The following CNTNAP2 variants were observed in gnomAD, a reference collection of about 807,000 sequenced individuals.
CNTNAP2 encodes contactin associated protein 2.
CNTNAP2 carries 98 observed loss-of-function variants against 155.2 expected under a neutral mutation model. That is an observed-to-expected ratio of 0.63 (90% CI 0.54 to 0.75). The LOEUF (loss-of-function observed/expected upper bound fraction) is 0.75, where lower values mean the gene tolerates loss of function less well. Ranked by LOEUF, CNTNAP2 falls within the 30% of genes least tolerant of loss-of-function variation. The pLI is 0.00. For synonymous variants in CNTNAP2, 651 were observed against 631.2 expected (o/e 1.03, Z -0.47); for missense variants, 1,727 against 1,688.1 (o/e 1.02, Z -0.40).
In CNTNAP2 at chr7:147,515,472, G is replaced by A. The variant is rs192106091; in HGVS notation, c.1777+29431G>A. On this transcript the variant is annotated intron_variant, in intron 11 of 23. Coordinates refer to ENST00000361727, the MANE Select transcript of CNTNAP2 (RefSeq NM_014141.6). ...CAAGTAGCTGGGACTACAGGCTTGT[G>A]ATACCATGCCCAGCTAATTTTTGTA... 9.7e-4 allele frequency among the ~76,000 whole-genome samples: 147 copies of A among 151,942 alleles called. 1 individual carries two copies. Among genetic ancestry groups the A allele is most frequent in the African/African-American group, 3.4e-3 (142 of 41,466 alleles).
At chr7:147,299,665 T>C (rs1400156580) in intron 8 of CNTNAP2, among the ~76,000 whole-genome samples, 1 of 152,192 alleles carries the variant, frequency 6.6e-6, no homozygotes, top group Non-Finnish European at 1.5e-5. Flanking sequence ...AGACAGACTT[T>C]AGATAAAAGC....
intron 3 of CNTNAP2, among the ~76,000 whole-genome samples, chr7:146,942,682 T>C (rs534386418): frequency 6.6e-6 from 1 of 152,232 alleles, no homozygotes; most frequent in South Asian, 2.1e-4. Context: ...GTTCAACCTA[T>C]CATTAAGAAG....
intron 11 of CNTNAP2, among the ~76,000 whole-genome samples, chr7:147,497,998 G>A (rs1798740868): frequency 6.6e-6 from 1 of 152,130 alleles, no homozygotes; most frequent in South Asian, 2.1e-4. Context: ...AAGGATTCCT[G>A]CCTTCCCACA....
chr7:146,750,644 C>G (rs1416929153), intron 1 of CNTNAP2, among the ~76,000 whole-genome samples: 1 of 152,120 alleles, frequency 6.6e-6, no homozygotes, highest in African/African-American at 2.4e-5. Context: ...CTATAATATG[C>G]CACAGTCTTT....
At position 147,985,115 on chromosome 7, in the gene CNTNAP2, A is replaced by AAAAAT. The variant is rs1554458354; in HGVS notation, c.2383+7129_2383+7130insATAAA. Among the ~76,000 whole-genome samples the AAAAAT allele has an allele frequency of 1.7e-3, 246 of 145,588 alleles. 2 individuals are homozygous for AAAAAT. The highest frequency in any genetic ancestry group is 7.4e-3 in the South Asian group (34 of 4,600). ...GGGTGACAGAGCAAGACTCTGTCAAAAAATAAATAAATAAATAAATAAATA... is the reference window on the plus strand; with the variant it reads ...GGGTGACAGAGCAAGACTCTGTCAAAAAAATAAATAAATAAATAAATAAATAAATA... On this transcript the variant is annotated intron_variant, in intron 15 of 23. Transcript: ENST00000361727.
chr7:146,246,800 G>T (rs766682802), intron 1 of CNTNAP2, among the ~76,000 whole-genome samples: 10 of 152,210 alleles, frequency 6.6e-5, no homozygotes, highest in Non-Finnish European at 1.3e-4. Flanking sequence ...ATCCTGGGCT[G>T]CAGGCATTCC....
At chr7:147,311,204 A>T (rs1795119587) in intron 9 of CNTNAP2, among the ~76,000 whole-genome samples, 1 of 152,182 alleles carries the variant, frequency 6.6e-6, no homozygotes, top group Non-Finnish European at 1.5e-5. Context: ...AAAATTTGGT[A>T]AAGAAAAGAA....
chr7:148,345,205 TGTGCTGA>T (rs1798303202), intron 21 of CNTNAP2, among the ~76,000 whole-genome samples: 1 of 152,118 alleles, frequency 6.6e-6, no homozygotes, highest in South Asian at 2.1e-4. Flanking sequence ...CGGGCATGTG[TGTGCTGA>T]GTGCTAAGTT....
intron 18 of CNTNAP2, among the ~76,000 whole-genome samples, chr7:148,176,409 C>G (rs4726924): frequency 6.6e-6 from 1 of 151,250 alleles, no homozygotes; most frequent in Non-Finnish European, 1.5e-5. Context: ...TTAGTACAGA[C>G]GGTTTCAACA....
intron 1 of CNTNAP2, among the ~76,000 whole-genome samples, chr7:146,656,688 C>T (rs1800000742): frequency 6.6e-6 from 1 of 152,160 alleles, no homozygotes. Flanking sequence ...CCTCTCAGAT[C>T]TCTTCTGTGA....
intron 1 of CNTNAP2, among the ~76,000 whole-genome samples, chr7:146,624,188 A>G (rs1414159137): frequency 1.3e-5 from 2 of 151,946 alleles, no homozygotes; most frequent in Admixed American, 1.3e-4. Context: ...TGTCTTGCAA[A>G]TATTTTCTCC....
At chr7:148,364,959 A>C (rs1466597199) in intron 21 of CNTNAP2, among the ~76,000 whole-genome samples, 2 of 152,226 alleles carry the variant, frequency 1.3e-5, no homozygotes, top group Non-Finnish European at 2.9e-5. Flanking sequence ...CAGCAAGACC[A>C]CGAACCCACC....
intron 4 of CNTNAP2, among the ~76,000 whole-genome samples, chr7:147,096,402 C>T (rs1056416611): frequency 6.6e-6 from 1 of 152,186 alleles, no homozygotes; most frequent in African/African-American, 2.4e-5. Flanking sequence ...ATAGGGACAG[C>T]CCCTTTTATC....
chr7:147,746,751 G>C (rs533983387), intron 13 of CNTNAP2, among the ~76,000 whole-genome samples: 1 of 152,032 alleles, frequency 6.6e-6, no homozygotes, highest in Admixed American at 6.6e-5. Context: ...ACGCATTTTG[G>C]TAAGGGTGAG....
intron 8 of CNTNAP2, among the ~76,000 whole-genome samples, chr7:147,181,738 A>G (rs932799977): frequency 1.3e-5 from 2 of 152,226 alleles, no homozygotes; most frequent in African/African-American, 4.8e-5. Context: ...TTTCAAAAAT[A>G]TAAAATACTT....
chr7:146,443,574 C>T (rs1385550460), intron 1 of CNTNAP2, among the ~76,000 whole-genome samples: 1 of 152,200 alleles, frequency 6.6e-6, no homozygotes, highest in African/African-American at 2.4e-5. Context: ...TTTAATCCAT[C>T]TAACAACCAG....
At chr7:146,693,175 A>G (rs1187657203) in intron 1 of CNTNAP2, among the ~76,000 whole-genome samples, 2 of 152,162 alleles carry the variant, frequency 1.3e-5, no homozygotes, top group African/African-American at 2.4e-5. Context: ...TGTGCTTGAC[A>G]TATTAGCTGT....
At chr7:146,668,329 T>C (rs1379845248) in intron 1 of CNTNAP2, among the ~76,000 whole-genome samples, 1 of 152,126 alleles carries the variant, frequency 6.6e-6, no homozygotes, top group Non-Finnish European at 1.5e-5. Context: ...CACTTGATTA[T>C]GTTGTATTAT....
chr7:148,363,517 C>T (rs1264071690), intron 21 of CNTNAP2, among the ~76,000 whole-genome samples: 1 of 152,194 alleles, frequency 6.6e-6, no homozygotes, highest in Non-Finnish European at 1.5e-5. Flanking sequence ...CAAAAACGTA[C>T]GATGGGTTTA....
Sources: allele counts gnomAD v4.1 joint callset (sites outside exome capture counted in the v4.1 genomes callset), GRCh38; gene constraint gnomAD v4.1.1; transcripts MANE v1.5; gene names NCBI Gene and HGNC (gene_info 2026-07-23, HGNC 2026-07-21).